IL33: variants seen among roughly 807,000 people sequenced by gnomAD.
The protein encoded by IL33 is interleukin-33.
In IL33, 37 loss-of-function variants were observed where a neutral mutation model predicts 27.3. The observed-to-expected ratio is 1.36, with a 90% CI of 1.04 to 1.78. The LOEUF (loss-of-function observed/expected upper bound fraction) is 1.78. Ranked by LOEUF, IL33 falls within the 40% of genes most tolerant of loss-of-function variation. The probability of loss-of-function intolerance (pLI) is 0.00; values close to 1 mark genes in which losing one functional copy is unlikely to be tolerated. For missense variants in IL33, 406 were observed against 311.4 expected (o/e 1.30, Z -2.29); for synonymous variants, 132 against 102.9 (o/e 1.28, Z -1.71).
chr9:6,252,883 G>C lies in IL33; in HGVS notation c.361G>C (p.Glu121Gln). 1 of 1,605,722 alleles carries C rather than the reference G, an allele frequency of 6.2e-7. No individual in the cohort carries two copies. The change falls in exon 5 of 8, where the codon GAG (glutamate) becomes CAG (glutamine). Residue 121 changes from glutamate (E) to glutamine (Q), a missense_variant. Coordinates refer to ENST00000682010, the MANE Select transcript of IL33 (RefSeq NM_033439.4). ...AACAACAGGAATTTCACCTATTACA[G>C]AGTATCTTGCTTCTCTAAGCACATA... ...SSITGISPIT[E>Q]YLASLSTYND...
intron 1 of IL33, among the ~76,000 whole-genome samples, chr9:6,221,308 T>C (rs906744190): frequency 1.3e-5 from 2 of 152,216 alleles, no homozygotes; most frequent in Admixed American, 6.5e-5. Context: ...GGTCATTTAA[T>C]ATAAAAAATT....
intron 1 of IL33, among the ~76,000 whole-genome samples, chr9:6,236,784 T>A (rs866988538): frequency 6.6e-6 from 1 of 152,306 alleles, no homozygotes; most frequent in African/African-American, 2.4e-5. Flanking sequence ...GACAGAAGAA[T>A]TGCTTTAATC....
intron 5 of IL33, 45 bp from the exon 6 acceptor site, chr9:6,253,507 A>T (rs907367414): frequency 1.4e-6 from 2 of 1,436,726 alleles, no homozygotes; most frequent in Admixed American, 3.6e-5. Flanking sequence ...TGAAAACTTA[A>T]CAAAATTGTG....
chr9:6,228,153 T>TA (rs1040288424), intron 1 of IL33, among the ~76,000 whole-genome samples: 7 of 152,240 alleles, frequency 4.6e-5, no homozygotes, highest in African/African-American at 1.7e-4. Flanking sequence ...GGGCTAATTG[T>TA]AAAAAATACA....
rs77743496 is a variant in IL33 at position 6,216,411 on chromosome 9, C to T, written c.-12+559C>T. ...CTAATGCTTACTCAAGACAAACATGCTTGCAATTGTTTACAAGTGGTTTTC... is the reference window on the plus strand; with the variant it reads ...CTAATGCTTACTCAAGACAAACATGTTTGCAATTGTTTACAAGTGGTTTTC... On this transcript the variant is annotated intron_variant, in intron 1 of 7. Transcript: ENST00000682010. Among the ~76,000 whole-genome samples the T allele has an allele frequency of 5.1e-4, 77 of 152,270 alleles. 1 individual carries two copies. The highest frequency in any genetic ancestry group is 3.4e-3 in the Middle Eastern group (1 of 294).
Position 6,256,472 on chromosome 9 carries a change from A to C in IL33, c.*304A>C, listed in dbSNP as rs1346849370. The C allele has an allele frequency of 2.3e-6, 1 of 431,400 alleles. No individual in the cohort carries two copies. Among genetic ancestry groups the C allele is most frequent in the Non-Finnish European group, 4.1e-6 (1 of 245,280 alleles). 26.7% of individuals were successfully genotyped at this position (431,400 alleles called of 1,614,324 possible). On this transcript the variant is annotated 3_prime_UTR_variant, in exon 8 of 8. Transcript: ENST00000682010. ...TACTTTTCTCTAGTTTCAGTCCAGA[A>C]AGAACTTCATATTTAGAGCTAAGGC...
chr9:6,247,627 G>T (rs779114098), intron 2 of IL33, among the ~76,000 whole-genome samples: 2 of 152,054 alleles, frequency 1.3e-5, no homozygotes, highest in Non-Finnish European at 2.9e-5. Flanking sequence ...GAGCAGGCAG[G>T]ATAGAGACAT....
intron 2 of IL33, among the ~76,000 whole-genome samples, chr9:6,248,002 TC>T: frequency 6.6e-6 from 1 of 152,040 alleles, no homozygotes; most frequent in African/African-American, 2.4e-5. Context: ...GATATCCTGT[TC>T]CCCCCAGAGT....
intron 1 of IL33, among the ~76,000 whole-genome samples, chr9:6,241,433 T>G (rs201974799): frequency 5.3e-4 from 80 of 152,320 alleles, no homozygotes; most frequent in Middle Eastern, 3.4e-3. Flanking sequence ...GATAAGAATT[T>G]ATCAGCTCCA....
intron 1 of IL33, among the ~76,000 whole-genome samples, chr9:6,222,823 A>G (rs1021280332): frequency 4.0e-5 from 6 of 151,484 alleles, no homozygotes; most frequent in Admixed American, 6.6e-5. Flanking sequence ...TTTTTTTTTT[A>G]CTTGGTAGCT....
In IL33 at chr9:6,252,927, T is replaced by C; in HGVS notation, c.405T>C (p.Thr135=). 3 of 1,603,326 alleles carry C rather than the reference T, an allele frequency of 1.9e-6. No homozygotes were observed. The highest frequency in any genetic ancestry group is 2.6e-6 in the Non-Finnish European group (3 of 1,171,706). ...GCACATACAATGATCAATCCATTACTTTTGCTTTGGAGGATGAAAGTTATG... is the reference window on the plus strand; with the variant it reads ...GCACATACAATGATCAATCCATTACCTTTGCTTTGGAGGATGAAAGTTATG... ...SLSTYNDQSI[T]FALEDESYEI... Residue 135 remains threonine (T), a synonymous_variant, in exon 5 of 8, where the codon ACT becomes ACC. Coordinates refer to ENST00000682010, the MANE Select transcript of IL33 (RefSeq NM_033439.4).
intron 3 of IL33, 87 bp downstream of exon 3, chr9:6,250,686 T>C: frequency 6.8e-7 from 1 of 1,468,854 alleles, no homozygotes; most frequent in South Asian, 1.5e-5. Flanking sequence ...TTATTTTTCC[T>C]CACTCCAAGG....
intron 1 of IL33, among the ~76,000 whole-genome samples, chr9:6,219,466 C>T (rs1259771443): frequency 3.3e-5 from 5 of 152,002 alleles, no homozygotes; most frequent in African/African-American, 4.8e-5. Flanking sequence ...AGTATACCTA[C>T]GAAGGTATTT....
At chr9:6,216,164 T>C (rs1350863788) in intron 1 of IL33, among the ~76,000 whole-genome samples, 1 of 152,188 alleles carries the variant, frequency 6.6e-6, no homozygotes, top group Non-Finnish European at 1.5e-5. Flanking sequence ...GGGATCTTGC[T>C]CTGTAGCGCA....
intron 2 of IL33, among the ~76,000 whole-genome samples, chr9:6,248,536 A>G (rs1228265169): frequency 6.6e-6 from 1 of 151,196 alleles, no homozygotes; most frequent in African/African-American, 2.4e-5. Context: ...ATATTCTTGG[A>G]TTTGCCTGCC....
At chr9:6,252,805 A>C in intron 4 of IL33, 61 bp from the exon 5 acceptor site, 1 of 1,585,288 alleles carries the variant, frequency 6.3e-7, no homozygotes, top group Non-Finnish European at 8.5e-7. Context: ...TTGAGGGAGC[A>C]TTTTTTAAAA....
intron 1 of IL33, among the ~76,000 whole-genome samples, chr9:6,233,702 A>C (rs1408664855): frequency 6.6e-6 from 1 of 152,218 alleles, no homozygotes; most frequent in Non-Finnish European, 1.5e-5. Context: ...TATAACAGTT[A>C]TTATGAAAAT....
At chr9:6,240,855 C>T (rs1819486937) in intron 1 of IL33, among the ~76,000 whole-genome samples, 1 of 152,034 alleles carries the variant, frequency 6.6e-6, no homozygotes, top group South Asian at 2.1e-4. Flanking sequence ...TGTAATAACA[C>T]TTAGCTTAAA....
rs1440269482 is a variant in IL33, at chr9:6,250,465, A to G, written c.92-9A>G. ...ATGAAACAGTCTCACAAGTTTTTCA[A>G]TTGTTTAGAATCCCAACAGAAGGCC... On this transcript the variant is annotated splice_polypyrimidine_tract_variant and intron_variant, in intron 2 of 7. Transcript: ENST00000682010. 15 of 1,611,264 alleles carry G rather than the reference A, an allele frequency of 9.3e-6. No homozygotes were observed. Among genetic ancestry groups the G allele is most frequent in the Admixed American group, 3.4e-5 (2 of 59,340 alleles).
Sources: allele counts gnomAD v4.1 joint callset (sites outside exome capture counted in the v4.1 genomes callset), GRCh38; gene constraint gnomAD v4.1.1; transcripts MANE v1.5; gene names NCBI Gene and HGNC (gene_info 2026-07-23, HGNC 2026-07-21).